BIN1: variants seen among roughly 807,000 people sequenced by gnomAD.
BIN1 encodes bridging integrator 1, also known as myc box-dependent-interacting protein 1.
BIN1 carries 53 observed loss-of-function variants against 82.0 expected under a neutral mutation model. The observed-to-expected ratio is 0.65, with a 90% CI of 0.52 to 0.81. BIN1 has a LOEUF of 0.81. Among genes scored for constraint, BIN1 ranks in the 40% least tolerant of loss-of-function variants. The pLI is 0.00. For synonymous variants in BIN1, 302 were observed against 328.0 expected, an observed-to-expected ratio of 0.92 and a Z score of 0.86; for missense variants, 642 against 784.4, an observed-to-expected ratio of 0.82 and a Z score of 2.17.
chr2:127,048,674 G>A (rs369026831), intron 18 of BIN1, 41 bp from the exon 19 acceptor site: 1 of 1,585,974 alleles, frequency 6.3e-7, no homozygotes, highest in Non-Finnish European at 8.6e-7. Context: ...ATGAGCAAGG[G>A]GCTCCACCCC....
rs1396637258 is a variant in BIN1, at chr2:127,060,000, C to T, written c.858-845G>A. On this transcript the variant is annotated intron_variant, in intron 10 of 18. Transcript: ENST00000316724. This position sits in a 1 kb window ranked among gnomAD's most constrained non-coding sequence, Gnocchi z 6.7. ...AATTCAAATGAAAAGTTCCGCTGCC[C>T]GGTCACACTGGCCAGTTTCAAGTGC... Among the ~76,000 whole-genome samples, 1 of 152,162 alleles carries T rather than the reference C, an allele frequency of 6.6e-6. No homozygotes were observed. Among genetic ancestry groups the T allele is most frequent in the Non-Finnish European group, 1.5e-5 (1 of 68,032 alleles).
At position 127,103,312 on chromosome 2, in the gene BIN1, G is replaced by C. The variant is rs192196631; in HGVS notation, c.84+3548C>G. ...GGCTAAGGTGGCTACTGCGTGAGGA[G>C]ACCTTGACCACGCAGCTGAGCATAG... On this transcript the variant is annotated intron_variant, in intron 1 of 18. Transcript: ENST00000316724. 8.3e-4 allele frequency among the ~76,000 whole-genome samples: 126 copies of C among 152,316 alleles called. 1 individual carries two copies. The East Asian group carries it at 0.014, about 18-fold the overall frequency.
At chr2:127,088,108 C>T (rs1041738349) in intron 1 of BIN1, among the ~76,000 whole-genome samples, 9 of 152,226 alleles carry the variant, frequency 5.9e-5, no homozygotes, top group Non-Finnish European at 7.3e-5. Flanking sequence ...CGTGGCCTCT[C>T]GGCTGTAGGG....
At chr2:127,079,151 C>T (rs1241017699) in intron 1 of BIN1, among the ~76,000 whole-genome samples, 2 of 152,248 alleles carry the variant, frequency 1.3e-5, no homozygotes, top group Non-Finnish European at 2.9e-5. Context: ...CCAAACACTG[C>T]TGTGTGCTCT....
Position 127,062,246 on chromosome 2 carries a change from G to A in BIN1, c.775-49C>T, listed in dbSNP as rs183548255. 413 of 1,540,370 alleles carry A rather than the reference G, an allele frequency of 2.7e-4. No homozygotes were observed. In the African/African-American group the frequency reaches 4.5e-3, roughly 17 times the overall value. Reference sequence around the variant, plus strand: ...TGGGGGGCCTCCAAGGCCACCAAACGGCCCCACCTTCCCCAAACACCTCTG... The same window carrying A: ...TGGGGGGCCTCCAAGGCCACCAAACAGCCCCACCTTCCCCAAACACCTCTG... On this transcript the variant is annotated intron_variant, in intron 9 of 18. Coordinates refer to ENST00000316724, the MANE Select transcript of BIN1 (RefSeq NM_139343.3).
intron 1 of BIN1, among the ~76,000 whole-genome samples, chr2:127,096,119 C>T (rs908002248): frequency 2.0e-5 from 3 of 152,180 alleles, no homozygotes; most frequent in Admixed American, 2.0e-4. Context: ...CCCTGTGCCC[C>T]TCATCTGGCC....
At chr2:127,053,323 G>T in intron 14 of BIN1, 99 bp downstream of exon 14, 1 of 1,522,960 alleles carries the variant, frequency 6.6e-7, no homozygotes, top group Non-Finnish European at 9.0e-7. Context: ...GGTGTGTGGG[G>T]TGCATGCACC....
intron 1 of BIN1, among the ~76,000 whole-genome samples, chr2:127,098,326 T>A (rs1679860846): frequency 6.6e-6 from 1 of 152,030 alleles, no homozygotes; most frequent in Non-Finnish European, 1.5e-5. Context: ...CCCAACCCAG[T>A]CCTGTGGCGG....
chr2:127,053,004 C>A, intron 14 of BIN1: 2 of 306,604 alleles, frequency 6.5e-6, no homozygotes, highest in Non-Finnish European at 1.3e-5. Context: ...CCCCTCTCCC[C>A]TTCCTCGCAA....
chr2:127,062,357 G>A (rs1296949097), intron 9 of BIN1, among the ~76,000 whole-genome samples, 160 bp from the exon 10 acceptor site: 3 of 151,866 alleles, frequency 2.0e-5, no homozygotes, highest in Non-Finnish European at 2.9e-5. Flanking sequence ...ACCAAACCCC[G>A]AAAAACCAAG....
intron 7 of BIN1, 52 bp from the exon 8 acceptor site, chr2:127,064,070 G>A: frequency 6.2e-7 from 1 of 1,603,740 alleles, no homozygotes; most frequent in Non-Finnish European, 8.5e-7. Context: ...AGCCAGCCCA[G>A]CCCCATGGCC....
intron 2 of BIN1, among the ~76,000 whole-genome samples, chr2:127,071,346 G>A (rs1685867643): frequency 6.6e-6 from 1 of 152,210 alleles, no homozygotes; most frequent in Non-Finnish European, 1.5e-5. Context: ...TATAGGGACA[G>A]AAGACCTGCG....
At chr2:127,054,185 C>G (rs2104901147) in intron 12 of BIN1, 173 bp from the exon 13 acceptor site, 1 of 653,498 alleles carries the variant, frequency 1.5e-6, no homozygotes, top group East Asian at 2.8e-5. Flanking sequence ...AGCCCAGGCA[C>G]CAACTCATCC....
At chr2:127,069,485 C>T (rs1685584111) in intron 5 of BIN1, among the ~76,000 whole-genome samples, 1 of 152,204 alleles carries the variant, frequency 6.6e-6, no homozygotes, top group South Asian at 2.1e-4. Flanking sequence ...CCACTCGCCT[C>T]GGTGGATACC....
At chr2:127,054,330 G>T in intron 12 of BIN1, 1 of 403,692 alleles carries the variant, frequency 2.5e-6, no homozygotes. Context: ...CGCAGGGCCA[G>T]CACCAGGCCC....
At chr2:127,096,459 C>T (rs1235017681) in intron 1 of BIN1, among the ~76,000 whole-genome samples, 1 of 152,208 alleles carries the variant, frequency 6.6e-6, no homozygotes, top group Non-Finnish European at 1.5e-5. Context: ...CACACATCCT[C>T]CCAGACCCTC....
At chr2:127,099,402 CT>C (rs1344628611) in intron 1 of BIN1, among the ~76,000 whole-genome samples, 2 of 152,052 alleles carry the variant, frequency 1.3e-5, no homozygotes, top group African/African-American at 4.8e-5. Context: ...CAGCATGGTT[CT>C]TTCCCCCCCA....
At chr2:127,097,351 C>T (rs1456291593) in intron 1 of BIN1, among the ~76,000 whole-genome samples, 2 of 151,670 alleles carry the variant, frequency 1.3e-5, no homozygotes, top group African/African-American at 4.8e-5. Context: ...CCCTCCAGGC[C>T]CAGCAGCGTC....
Position 127,062,106 on chromosome 2 carries a change from C to A in BIN1, c.857+9G>T, listed in dbSNP as rs370811748. The A allele has an allele frequency of 1.3e-6, 2 of 1,599,892 alleles. No individual in the cohort carries two copies. Among genetic ancestry groups the A allele is most frequent in the Non-Finnish European group, 1.7e-6 (2 of 1,173,810 alleles). On this transcript the variant is annotated intron_variant, in intron 10 of 18. Coordinates refer to ENST00000316724, the MANE Select transcript of BIN1 (RefSeq NM_139343.3). ...CAGTCAGGGGCGCCAGGGCTCTCCCCGCACGCACCTGGGCTGGGCCTTGAC... is the reference window on the plus strand; with the variant it reads ...CAGTCAGGGGCGCCAGGGCTCTCCCAGCACGCACCTGGGCTGGGCCTTGAC...
Sources: allele counts gnomAD v4.1 joint callset (sites outside exome capture counted in the v4.1 genomes callset), GRCh38; gene constraint gnomAD v4.1.1; non-coding constraint Gnocchi (gnomAD v3.1); transcripts MANE v1.5; gene names NCBI Gene and HGNC (gene_info 2026-07-23, HGNC 2026-07-21).